Variants in PHACTR1 observed in about 807,000 individuals in gnomAD.
PHACTR1 encodes RPEL repeat containing 1.
A neutral mutation model predicts 69.2 loss-of-function variants in PHACTR1; 16 were observed. The ratio of observed to expected loss-of-function variants is 0.23; its 90% confidence interval spans 0.16 to 0.35. The LOEUF (loss-of-function observed/expected upper bound fraction) is 0.35, where lower values mean the gene tolerates loss of function less well. Among genes scored for constraint, PHACTR1 ranks in the 10% least tolerant of loss-of-function variants. The probability of loss-of-function intolerance (pLI) is 1.00; values close to 1 mark genes in which losing one functional copy is unlikely to be tolerated. For synonymous variants in PHACTR1, 312 were observed against 284.5 expected (o/e 1.10, Z -0.97); for missense variants, 510 against 734.7 (o/e 0.69, Z 3.54).
At chr6:13,081,170 G>C (rs892578112) in intron 5 of PHACTR1, among the ~76,000 whole-genome samples, 2 of 152,134 alleles carry the variant, frequency 1.3e-5, no homozygotes, top group Non-Finnish European at 2.9e-5. Flanking sequence ...TAATTGCTTT[G>C]AGCAGGGCTC....
intron 6 of PHACTR1, 29 bp from the exon 7 acceptor site, chr6:13,182,490 A>T (rs1335833053): frequency 1.9e-6 from 3 of 1,609,052 alleles, no homozygotes; most frequent in Non-Finnish European, 2.6e-6. Flanking sequence ...ACATTGTCTA[A>T]CTCTGCAATC....
chr6:12,933,948 A>G (rs931594867), intron 4 of PHACTR1: 21 of 1,592,868 alleles, frequency 1.3e-5, no homozygotes, highest in African/African-American at 1.1e-4. Flanking sequence ...TGGCGTGTGT[A>G]TTCATTTCCT....
intron 5 of PHACTR1, among the ~76,000 whole-genome samples, chr6:13,131,237 A>ACACC (rs1430426345): frequency 6.7e-6 from 1 of 149,028 alleles, no homozygotes; most frequent in African/African-American, 2.5e-5. Flanking sequence ...ACACACACAC[A>ACACC]CACACACACC....
At chr6:13,265,141 G>A (rs202066) in intron 10 of PHACTR1, 94,997 of 152,104 alleles carry the variant, frequency 0.62, 30,117 homozygotes, top group Admixed American at 0.68. Context: ...CTCCAGCTTC[G>A]GTGCATCCAT....
chr6:13,240,420 T>G (rs75766218), intron 10 of PHACTR1, among the ~76,000 whole-genome samples: 26 of 150,418 alleles, frequency 1.7e-4, no homozygotes, highest in Middle Eastern at 6.8e-3. Flanking sequence ...TCGTTGTGGG[T>G]TTTTTTTTGT....
At chr6:13,074,301 G>A (rs1810053237) in intron 5 of PHACTR1, among the ~76,000 whole-genome samples, 1 of 152,136 alleles carries the variant, frequency 6.6e-6, no homozygotes, top group South Asian at 2.1e-4. Context: ...TATACAAATT[G>A]AAACTACTGA....
intron 4 of PHACTR1, among the ~76,000 whole-genome samples, chr6:12,902,225 C>T (rs931252040): frequency 4.6e-5 from 7 of 152,130 alleles, no homozygotes; most frequent in African/African-American, 1.7e-4. Context: ...GAGTTCGAGA[C>T]CAGCCTGGCC....
chr6:13,213,204 G>A (rs1294825618), intron 8 of PHACTR1, among the ~76,000 whole-genome samples: 1 of 152,220 alleles, frequency 6.6e-6, no homozygotes, highest in Non-Finnish European at 1.5e-5. Context: ...GATGGATTGA[G>A]TTCTCACAAG....
chr6:12,961,306 T>C (rs929014664), intron 4 of PHACTR1, among the ~76,000 whole-genome samples: 2 of 151,986 alleles, frequency 1.3e-5, no homozygotes, highest in African/African-American at 4.8e-5. Context: ...ACAATTGAGA[T>C]GGAAAAACAC....
intron 4 of PHACTR1, among the ~76,000 whole-genome samples, chr6:12,772,139 A>T (rs1769465002): frequency 6.6e-6 from 1 of 152,180 alleles, no homozygotes; most frequent in African/African-American, 2.4e-5. Context: ...AGGGAGACAG[A>T]TGTCAAGAGA....
chr6:13,255,317 C>T (rs1345657327), intron 10 of PHACTR1, among the ~76,000 whole-genome samples: 1 of 152,210 alleles, frequency 6.6e-6, no homozygotes, highest in Non-Finnish European at 1.5e-5. Context: ...AATCACCTCC[C>T]ACCAGGTCCC....
intron 5 of PHACTR1, among the ~76,000 whole-genome samples, chr6:13,145,516 ATGTT>A (rs1009141503): frequency 1.7e-4 from 26 of 152,220 alleles, no homozygotes; most frequent in Admixed American, 6.5e-5. Context: ...TATAGACTGA[ATGTT>A]TGTGCCCGCC....
intron 5 of PHACTR1, among the ~76,000 whole-genome samples, chr6:13,109,830 C>A (rs1816743316): frequency 9.0e-6 from 1 of 111,720 alleles, no homozygotes; most frequent in African/African-American, 3.6e-5. Flanking sequence ...TCAATTTTTT[C>A]AGCGTGTGTG....
intron 4 of PHACTR1, among the ~76,000 whole-genome samples, chr6:12,870,706 C>T (rs1018764148): frequency 6.6e-6 from 1 of 152,210 alleles, no homozygotes; most frequent in Non-Finnish European, 1.5e-5. Context: ...TAAGCCTCTC[C>T]TTCTGGGTAC....
chr6:13,282,162 G>A (rs184746935), intron 12 of PHACTR1, among the ~76,000 whole-genome samples: 1,926 of 152,262 alleles, frequency 0.013, 27 homozygotes, highest in South Asian at 0.039. Context: ...TTTGTTTTAC[G>A]GGCCTGAGTT....
intron 5 of PHACTR1, among the ~76,000 whole-genome samples, chr6:13,087,065 T>A (rs1011822766): frequency 1.3e-5 from 2 of 150,700 alleles, no homozygotes; most frequent in Non-Finnish European, 3.0e-5. Flanking sequence ...TTTAAGTATT[T>A]TGACCATTTT....
intron 10 of PHACTR1, among the ~76,000 whole-genome samples, chr6:13,256,427 C>G (rs547841974): frequency 2.0e-4 from 30 of 152,334 alleles, no homozygotes; most frequent in African/African-American, 7.2e-4. Context: ...CTGCAGCCTA[C>G]TTGAATTCCT....
intron 4 of PHACTR1, among the ~76,000 whole-genome samples, chr6:12,989,382 T>G (rs1337549105): frequency 1.3e-5 from 2 of 152,160 alleles, no homozygotes; most frequent in Non-Finnish European, 2.9e-5. Context: ...AATGAATAAC[T>G]TTGGGTAGTC....
At chr6:13,020,813 T>C (rs911950422) in intron 4 of PHACTR1, among the ~76,000 whole-genome samples, 1 of 152,096 alleles carries the variant, frequency 6.6e-6, no homozygotes, top group Non-Finnish European at 1.5e-5. Context: ...ATCTAGTCGA[T>C]GAATGTGTGT....
Sources: gnomAD v4.1 joint callset for allele counts (sites outside exome capture counted in the v4.1 genomes callset) on GRCh38, gnomAD v4.1.1 for gene constraint, MANE v1.5 for transcripts, NCBI Gene and HGNC (gene_info 2026-07-23, HGNC 2026-07-21) for gene names.